DVL1: variants seen among roughly 807,000 people sequenced by gnomAD.
DVL1 encodes the protein segment polarity protein dishevelled homolog DVL-1.
Under a neutral mutation model 65.0 loss-of-function variants are expected in DVL1, and 49 were observed. That is an observed-to-expected ratio of 0.75 (90% CI 0.60 to 0.96). DVL1 has a LOEUF of 0.96. Among genes scored for constraint, DVL1 ranks in the 40% least tolerant of loss-of-function variants. The pLI, the probability that DVL1 is intolerant of heterozygous loss-of-function variation, is 0.00. For missense variants in DVL1, 1,197 were observed against 1,045.4 expected (o/e 1.15, Z -2.00); for synonymous variants, 608 against 433.9 (o/e 1.40, Z -4.99).
At chr1:1,337,068 A>G (rs923007799) in intron 14 of DVL1, 153 of 987,770 alleles carry the variant, frequency 1.5e-4, no homozygotes, top group Non-Finnish European at 1.8e-4. Context: ...TGTTTAGCAC[A>G]AGACAAGGGA....
intron 5 of DVL1, 92 bp downstream of exon 5, chr1:1,341,575 G>T: frequency 6.9e-7 from 1 of 1,456,252 alleles, no homozygotes; most frequent in South Asian, 1.3e-5. Flanking sequence ...CACGTGCAAT[G>T]TGAAAACACC....
intron 1 of DVL1, among the ~76,000 whole-genome samples, chr1:1,347,163 C>T (rs1643927508): frequency 6.6e-6 from 1 of 152,238 alleles, no homozygotes; most frequent in African/African-American, 2.4e-5. Context: ...CAGCATCACC[C>T]CAGTCCATTC....
intron 14 of DVL1, chr1:1,336,881 C>T: frequency 1.6e-6 from 1 of 629,716 alleles, no homozygotes; most frequent in Non-Finnish European, 2.0e-6. Context: ...CAAGGCCCCA[C>T]TGTCCCCCCG....
intron 1 of DVL1, among the ~76,000 whole-genome samples, chr1:1,347,379 C>G (rs921185465): frequency 2.0e-5 from 3 of 152,180 alleles, no homozygotes. Flanking sequence ...CAAATGTGCC[C>G]AGCAGGTGCA....
At position 1,339,345 on chromosome 1, in the gene DVL1, G is replaced by A; in HGVS notation, c.1149C>T (p.Ser383=). The A allele has an allele frequency of 1.3e-6, 2 of 1,548,720 alleles. No individual in the cohort carries two copies. Among genetic ancestry groups the A allele is most frequent in the South Asian group, 2.4e-5 (2 of 83,984 alleles). The part of the protein sequence containing the change: ...ALPRYGTSPC[S]SAVTRTSSSS... ...AGGAGCTGGTGCGCGTGACGGCGCT[G>A]GAGCAGGGACTCGTACCGTAGCGGG... Residue 383 remains serine, a synonymous_variant, in exon 11 of 15, where the codon TCC becomes TCT. Coordinates refer to ENST00000378888, the MANE Select transcript of DVL1 (RefSeq NM_001330311.2).
At position 1,340,827 on chromosome 1, in the gene DVL1, A is replaced by C. The variant is rs539563738; in HGVS notation, c.606-324T>G. Among the ~76,000 whole-genome samples, 170 of 143,014 alleles carry C rather than the reference A, an allele frequency of 1.2e-3. 2 individuals are homozygous for C. Among genetic ancestry groups the C allele is most frequent in the African/African-American group, 4.2e-3 (158 of 37,408 alleles). 93.8% of individuals were successfully genotyped at this position (143,014 alleles called of 152,430 possible). On this transcript the variant is annotated intron_variant, in intron 5 of 14. Coordinates refer to ENST00000378888, the MANE Select transcript of DVL1 (RefSeq NM_001330311.2). ...GGCACACATGCACACACCTGCACAC[A>C]CACCTGCACACACGCAACCCTGCAC...
intron 1 of DVL1, among the ~76,000 whole-genome samples, chr1:1,347,687 G>C (rs991458515): frequency 6.6e-6 from 1 of 152,254 alleles, no homozygotes; most frequent in African/African-American, 2.4e-5. Flanking sequence ...CAGAGAAGCA[G>C]GGACTGCAAG....
chr1:1,341,074 CGCACCCCT>C (rs1362975844), intron 5 of DVL1, among the ~76,000 whole-genome samples: 2 of 148,046 alleles, frequency 1.4e-5, no homozygotes, highest in Admixed American at 6.7e-5. Flanking sequence ...CCTGCACACA[CGCACCCCT>C]GCACACAGGC....
At chr1:1,338,240 C>A (rs759095836) in intron 13 of DVL1, 29 bp downstream of exon 13, 4 of 1,591,156 alleles carry the variant, frequency 2.5e-6, no homozygotes, top group Admixed American at 1.7e-5. Context: ...CCCCTCCCCC[C>A]CGCCCTGAAG....
At chr1:1,337,247 C>T (rs930025338) in intron 14 of DVL1, among the ~76,000 whole-genome samples, 4 of 152,144 alleles carry the variant, frequency 2.6e-5, no homozygotes, top group Non-Finnish European at 5.9e-5. Flanking sequence ...GCCGCCTCTC[C>T]TCTCTCGCCC....
Position 1,349,179 on chromosome 1 carries a change from G to T in DVL1, c.-114C>A. ...CCCGGCCCGCACCGCTCTCGGCCCC[G>T]ACGCTCCGAGGCCCCCGGGCGCCCC... On this transcript the variant is annotated 5_prime_UTR_variant, in exon 1 of 15. Coordinates refer to ENST00000378888, the MANE Select transcript of DVL1 (RefSeq NM_001330311.2). This position sits in a 1 kb window ranked among gnomAD's most constrained non-coding sequence, Gnocchi z 4.1. 1 of 612,006 alleles carries T rather than the reference G, an allele frequency of 1.6e-6. No homozygotes were observed. Among genetic ancestry groups the T allele is most frequent in the South Asian group, 7.1e-5 (1 of 14,060 alleles). The allele number at this position is 612,006 out of a possible 1,614,324, so 37.9% of individuals were successfully genotyped here. A position where few individuals can be genotyped will look rare whatever the true frequency, so the allele number is the denominator to read the frequency against.
Position 1,342,495 on chromosome 1 carries a change from A to G in DVL1, c.241-11T>C. On this transcript the variant is annotated splice_polypyrimidine_tract_variant and intron_variant, in intron 2 of 14. Coordinates refer to ENST00000378888, the MANE Select transcript of DVL1 (RefSeq NM_001330311.2). ...CTCAGCCAGGACCAGCTGTGGAGGGAGCAGGCATGCTCAGGGGAGCCCACC... is the reference window on the plus strand; with the variant it reads ...CTCAGCCAGGACCAGCTGTGGAGGGGGCAGGCATGCTCAGGGGAGCCCACC... 1.2e-6 allele frequency: 2 copies of G among 1,609,440 alleles called. No homozygotes were observed. The highest frequency in any genetic ancestry group is 1.7e-6 in the Non-Finnish European group (2 of 1,178,948).
rs75244934 is a variant in DVL1, at chr1:1,341,550, GCACA to G, written c.605+113_605+116del. The G allele has an allele frequency of 1.2e-5, 15 of 1,300,066 alleles. No homozygotes were observed. In the East Asian group the frequency reaches 1.8e-4, roughly 15 times the overall value. The allele number at this position is 1,300,066 out of a possible 1,614,324, so 80.5% of individuals were successfully genotyped here. ...CACAGACATTTGCAGGCACACACAT[GCACA>G]CACACGCACACACGTGCAATGTGAA... On this transcript the variant is annotated intron_variant, in intron 5 of 14. Coordinates refer to ENST00000378888, the MANE Select transcript of DVL1 (RefSeq NM_001330311.2).
In DVL1 at chr1:1,349,222, C is replaced by T. The variant is rs930436564; in HGVS notation, c.-157G>A. The T allele has an allele frequency of 3.6e-6, 1 of 281,252 alleles. No homozygotes were observed. The highest frequency in any genetic ancestry group is 2.3e-5 in the African/African-American group (1 of 42,840). 17.4% of individuals were successfully genotyped at this position (281,252 alleles called of 1,614,324 possible). ...GGCGCCCCCGCCCGACCGCCCAGGC[C>T]CCGGCCGCCGCCCCCGGCTCCCGCG... On this transcript the variant is annotated 5_prime_UTR_variant, in exon 1 of 15. Coordinates refer to ENST00000378888, the MANE Select transcript of DVL1 (RefSeq NM_001330311.2). The surrounding 1 kb of genome is among the most constrained non-coding windows in gnomAD (Gnocchi z 4.1).
chr1:1,339,795 A>T lies in DVL1; in HGVS notation c.927T>A (p.Phe309Leu). 6.2e-7 allele frequency: 1 copy of T among 1,611,188 alleles called. No individual in the cohort carries two copies. The highest frequency in any genetic ancestry group is 8.5e-7 in the Non-Finnish European group (1 of 1,179,768). ...DMLLQVNDVN[F>L]ENMSNDDAVR... ...CGGCATCGTCATTGCTCATGTTCTC[A>T]AAGTTCACGTCATTCACCTGCAGGG... The change falls in exon 9 of 15, where the codon TTT becomes TTA. Residue 309 changes from phenylalanine (F) to leucine (L), a missense_variant. By Grantham distance (22) the Phe-to-Leu change is conservative (BLOSUM62 0). Transcript: ENST00000378888.
intron 11 of DVL1, 54 bp from the exon 12 acceptor site, chr1:1,338,707 C>G (rs1643678010): frequency 6.3e-7 from 1 of 1,576,354 alleles, no homozygotes; most frequent in Non-Finnish European, 8.6e-7. Context: ...GCGGGGGACT[C>G]AGGGCCCTGC....
intron 5 of DVL1, among the ~76,000 whole-genome samples, chr1:1,341,402 T>C (rs1450360210): frequency 6.6e-6 from 1 of 151,440 alleles, no homozygotes; most frequent in Non-Finnish European, 1.5e-5. Flanking sequence ...CAGACACACA[T>C]GCACAAGCAG....
chr1:1,346,743 G>A (rs1034625240), intron 1 of DVL1, among the ~76,000 whole-genome samples: 1 of 152,202 alleles, frequency 6.6e-6, no homozygotes, highest in Non-Finnish European at 1.5e-5. Flanking sequence ...AGAATGCAGC[G>A]GGGGCTGGCG....
rs544885309 is a variant in DVL1 at position 1,339,207 on chromosome 1, AGGCGGCCATGC to A, written c.1207+69_1207+79del. ...CGTGTCACAGCCCCATGACGGCCAC[AGGCGGCCATGC>A]TGGAGGCTGGCAGAGACGCCCCCTC... On this transcript the variant is annotated intron_variant, in intron 11 of 14. Coordinates refer to ENST00000378888, the MANE Select transcript of DVL1 (RefSeq NM_001330311.2). 2.2e-3 allele frequency: 3,316 copies of A among 1,518,992 alleles called. 6 individuals carry two copies. Among genetic ancestry groups the A allele is most frequent in the Admixed American group, 2.8e-3 (142 of 50,028 alleles). 94.1% of individuals were successfully genotyped at this position (1,518,992 alleles called of 1,614,324 possible).
Sources: allele counts gnomAD v4.1 joint callset (sites outside exome capture counted in the v4.1 genomes callset), GRCh38; gene constraint gnomAD v4.1.1; non-coding constraint Gnocchi (gnomAD v3.1); transcripts MANE v1.5; gene names NCBI Gene and HGNC (gene_info 2026-07-23, HGNC 2026-07-21).